The following SP6 variants were observed in gnomAD, a reference collection of about 807,000 sequenced individuals.
The protein encoded by SP6 is transcription factor Sp6.
In SP6, 10 loss-of-function variants were observed where a neutral mutation model predicts 23.4. That is an observed-to-expected ratio of 0.43 (90% CI 0.26 to 0.72). The LOEUF (loss-of-function observed/expected upper bound fraction) is 0.72. Ranked by LOEUF, SP6 falls within the 30% of genes least tolerant of loss-of-function variation. The probability of loss-of-function intolerance (pLI) is 0.23; values close to 1 mark genes in which losing one functional copy is unlikely to be tolerated. For missense variants in SP6, 482 were observed against 523.8 expected (o/e 0.92, Z 0.78); for synonymous variants, 238 against 238.7 (o/e 1.00, Z 0.03).
At chr17:47,854,275 T>C (rs2033982805), upstream of SP6, among the ~76,000 whole-genome samples, 1 of 152,232 alleles carries the variant, frequency 6.6e-6, no homozygotes, top group Non-Finnish European at 1.5e-5. Context: ...ACTGAGCACC[T>C]ACTATGTTCC....
At position 47,846,521 on chromosome 17, in the gene SP6, C is replaced by T. The variant is rs1201690544; in HGVS notation, c.*778G>A. 6.6e-6 allele frequency: 1 copy of T among 152,124 alleles called. No individual in the cohort carries two copies. The highest frequency in any genetic ancestry group is 6.5e-5 in the Admixed American group (1 of 15,276). 9.4% of individuals were successfully genotyped at this position (152,124 alleles called of 1,614,324 possible). A position where few individuals can be genotyped will look rare whatever the true frequency, so the allele number is the denominator to read the frequency against. ...AGGGAAGGGGTTAGTTCCTTCCATA[C>T]CCCACCAAATCCCTATCTCTCATTT... On this transcript the variant is annotated 3_prime_UTR_variant, in exon 2 of 2. Coordinates refer to ENST00000536300, the MANE Select transcript of SP6 (RefSeq NM_001258248.2).
upstream of SP6, among the ~76,000 whole-genome samples, chr17:47,852,994 C>T (rs535601857): frequency 1.3e-5 from 2 of 152,348 alleles, no homozygotes; most frequent in East Asian, 1.9e-4. Context: ...GCACAAAGAC[C>T]TGTGGACTAG....
At chr17:47,859,618 T>A (rs1230378622), upstream of SP6, among the ~76,000 whole-genome samples, 1 of 152,176 alleles carries the variant, frequency 6.6e-6, no homozygotes, top group Non-Finnish European at 1.5e-5. Context: ...TTCCAGAAGC[T>A]CCTCAGCTTG....
the SP6 span, among the ~76,000 whole-genome samples, chr17:47,875,532 C>G: frequency 2.0e-5 from 3 of 152,256 alleles, no homozygotes; most frequent in East Asian, 3.9e-4. Context: ...CACTTCATAT[C>G]CATTTGCATA....
chr17:47,867,109 C>A, the SP6 span, among the ~76,000 whole-genome samples: 1 of 151,952 alleles, frequency 6.6e-6, no homozygotes, highest in Non-Finnish European at 1.5e-5. Flanking sequence ...GGCTGATGAC[C>A]TCAGCCAGGC....
the SP6 span, among the ~76,000 whole-genome samples, chr17:47,867,049 G>A: frequency 6.6e-6 from 1 of 152,188 alleles, no homozygotes; most frequent in Non-Finnish European, 1.5e-5. Context: ...ATGAAAGCGA[G>A]GTTGTGCGGC....
chr17:47,873,277 G>A, the SP6 span, among the ~76,000 whole-genome samples: 180 of 152,224 alleles, frequency 1.2e-3, 2 homozygotes, highest in East Asian at 0.031. Flanking sequence ...GGAAAACTAA[G>A]TCCTACAATA....
chr17:47,858,042 T>G (rs1316286554), upstream of SP6, among the ~76,000 whole-genome samples: 1 of 152,054 alleles, frequency 6.6e-6, no homozygotes, highest in Admixed American at 6.5e-5. Flanking sequence ...ACTCCCAGAC[T>G]TTCGTCTCCA....
chr17:47,868,771 G>A, the SP6 span, among the ~76,000 whole-genome samples: 1 of 152,216 alleles, frequency 6.6e-6, no homozygotes, highest in Non-Finnish European at 1.5e-5. Context: ...GGAACAGGCA[G>A]AGGGGAGGGA....
the SP6 span, among the ~76,000 whole-genome samples, chr17:47,867,657 C>T: frequency 1.4e-4 from 22 of 152,082 alleles, no homozygotes; most frequent in Non-Finnish European, 2.4e-4. Context: ...CCTGGGCCTC[C>T]GTGGAAACCT....
Position 47,847,321 on chromosome 17 carries a change from C to T in SP6, c.1109G>A (p.Gly370Asp). The T allele has an allele frequency of 6.4e-7, 1 of 1,568,926 alleles. No homozygotes were observed. Among genetic ancestry groups the T allele is most frequent in the Non-Finnish European group, 8.6e-7 (1 of 1,157,082 alleles). The change falls in exon 2 of 2, where the codon GGC becomes GAC. Residue 370 changes from glycine to aspartate, a missense_variant. Around this residue, in one of 3 missense-constraint regions of SP6, gnomAD observed 101 missense variants for 99.3 expected, o/e 1.02. Coordinates refer to ENST00000536300, the MANE Select transcript of SP6 (RefSeq NM_001258248.2). ...AGCTCAGTTGGAGGGAGCCACGCTG[C>T]CCTCGGCCTCGCGTTTGCCTTTGCC... ...PGGKGKREAE[G>D]SVAPSN
upstream of SP6, among the ~76,000 whole-genome samples, chr17:47,853,667 T>C (rs1216541950): frequency 6.6e-6 from 1 of 152,174 alleles, no homozygotes; most frequent in African/African-American, 2.4e-5. Context: ...TCCCTGCTAC[T>C]TTCACTCTAG....
At chr17:47,873,745 A>G in the SP6 span, among the ~76,000 whole-genome samples, 2 of 152,002 alleles carry the variant, frequency 1.3e-5, no homozygotes, top group African/African-American at 4.8e-5. Context: ...TCTCTGCCTC[A>G]GGCCAACATA....
rs549264592 is a variant in SP6, at chr17:47,848,490, A to G, written c.-57-4T>C. On this transcript the variant is annotated splice_region_variant and splice_polypyrimidine_tract_variant and intron_variant, in intron 1 of 1. Transcript: ENST00000536300. This position sits in a 1 kb window ranked among gnomAD's most constrained non-coding sequence, Gnocchi z 5.3. ...TCAGGGGCACCTCAGACGGGACCTA[A>G]AGGAGGCGAAGAAGCAGAAAAGTAA... 127 of 1,410,040 alleles carry G rather than the reference A, an allele frequency of 9.0e-5. No homozygotes were observed. In the Middle Eastern group the frequency reaches 1.6e-3, roughly 17 times the overall value. 87.3% of individuals were successfully genotyped at this position (1,410,040 alleles called of 1,614,324 possible).
chr17:47,848,928 G>T lies in SP6; in HGVS notation c.-57-442C>A, dbSNP rs940604508. The stretch of plus-strand genomic sequence containing the variant: ...AACTCAGGATACAGATGGGAGAGGG[G>T]ATGGTCTATTTCTGAAACCCAAAGC... On this transcript the variant is annotated intron_variant, in intron 1 of 1. Transcript: ENST00000536300. The surrounding 1 kb of genome is among the most constrained non-coding windows in gnomAD (Gnocchi z 5.3). Among the ~76,000 whole-genome samples the T allele has an allele frequency of 1.3e-5, 2 of 152,278 alleles. No homozygotes were observed. The highest frequency in any genetic ancestry group is 3.9e-4 in the East Asian group (2 of 5,182).
At chr17:47,862,266 C>T in the SP6 span, among the ~76,000 whole-genome samples, 2 of 151,504 alleles carry the variant, frequency 1.3e-5, no homozygotes, top group Admixed American at 6.6e-5. Context: ...ATTGCTTGAA[C>T]CTGGGAGGCA....
chr17:47,873,973 TTTC>T, the SP6 span, among the ~76,000 whole-genome samples: 19 of 150,504 alleles, frequency 1.3e-4, no homozygotes, highest in East Asian at 3.9e-4. Context: ...CTTTCCTCTC[TTTC>T]TTCTTCTTCC....
chr17:47,858,289 T>C (rs2034012622), upstream of SP6, among the ~76,000 whole-genome samples: 1 of 152,172 alleles, frequency 6.6e-6, no homozygotes, highest in Non-Finnish European at 1.5e-5. Flanking sequence ...TCAACTTCCC[T>C]TTTCCCACCC....
At chr17:47,872,862 C>T in the SP6 span, among the ~76,000 whole-genome samples, 2 of 152,200 alleles carry the variant, frequency 1.3e-5, no homozygotes, top group Admixed American at 1.3e-4. Flanking sequence ...CGGAGCCTCC[C>T]ACAAGGCATC....
Sources: allele counts gnomAD v4.1 joint callset (sites outside exome capture counted in the v4.1 genomes callset), GRCh38; gene constraint gnomAD v4.1.1; regional missense constraint gnomAD v4.1.1; non-coding constraint Gnocchi (gnomAD v3.1); transcripts MANE v1.5; gene names NCBI Gene and HGNC (gene_info 2026-07-23, HGNC 2026-07-21).